Variants in PHF21A observed in about 807,000 individuals in gnomAD.
PHF21A encodes the protein PHD finger protein 21A, also known as BHC80a.
In PHF21A, 11 loss-of-function variants were observed where a neutral mutation model predicts 82.5. The ratio of observed to expected loss-of-function variants is 0.13; its 90% CI spans 0.08 to 0.22. The LOEUF is 0.22. Among genes scored for constraint, PHF21A ranks in the 10% least tolerant of loss-of-function variants. The probability of loss-of-function intolerance (pLI) is 1.00; values close to 1 mark genes in which losing one functional copy is unlikely to be tolerated. For synonymous variants in PHF21A, 297 were observed against 302.8 expected (o/e 0.98, Z 0.20); for missense variants, 579 against 837.8 (o/e 0.69, Z 3.81).
chr11:45,984,551 C>T (rs2094430367), intron 6 of PHF21A, among the ~76,000 whole-genome samples: 1 of 152,186 alleles, frequency 6.6e-6, no homozygotes, highest in Non-Finnish European at 1.5e-5. Context: ...AAGAAAAATA[C>T]GGAATTTTAT....
intron 6 of PHF21A, among the ~76,000 whole-genome samples, chr11:45,991,545 G>A (rs899355777): frequency 3.9e-5 from 6 of 152,012 alleles, no homozygotes; most frequent in Non-Finnish European, 5.9e-5. Flanking sequence ...TAATACAGCT[G>A]CAGTAAGCTT....
At chr11:45,977,179 G>A (rs2094070600) in intron 7 of PHF21A, among the ~76,000 whole-genome samples, 2 of 142,742 alleles carry the variant, frequency 1.4e-5, no homozygotes, top group South Asian at 2.2e-4. Context: ...TTGCTCTGTC[G>A]CCCAGCATGG....
intron 1 of PHF21A, among the ~76,000 whole-genome samples, chr11:46,118,417 T>TAAAAAAAAAA (rs10718245): frequency 7.6e-6 from 1 of 131,514 alleles, no homozygotes; most frequent in Non-Finnish European, 1.6e-5. Context: ...AGTCTGATGT[T>TAAAAAAAAAA]AAAAAAAAAA....
At chr11:46,109,186 C>A (rs1442785950) in intron 1 of PHF21A, among the ~76,000 whole-genome samples, 5 of 152,202 alleles carry the variant, frequency 3.3e-5, no homozygotes, top group Non-Finnish European at 7.3e-5. Flanking sequence ...GGGCTTGAAT[C>A]CAGGTTGTAT....
chr11:45,961,327 C>T (rs2135805284), intron 10 of PHF21A, among the ~76,000 whole-genome samples: 1 of 152,166 alleles, frequency 6.6e-6, no homozygotes, highest in South Asian at 2.1e-4. Flanking sequence ...AATAAATGTC[C>T]AAATAATTTC....
chr11:46,114,845 C>G (rs1249847121), intron 1 of PHF21A, among the ~76,000 whole-genome samples: 1 of 152,156 alleles, frequency 6.6e-6, no homozygotes. Context: ...CAAGTACTGA[C>G]AGTTTGTATT....
At chr11:46,106,184 G>T (rs1219716620) in intron 1 of PHF21A, among the ~76,000 whole-genome samples, 1 of 152,106 alleles carries the variant, frequency 6.6e-6, no homozygotes, top group East Asian at 1.9e-4. Flanking sequence ...TTTACTAAAA[G>T]ATATTTTCAT....
At chr11:46,071,929 T>C (rs2096661231) in intron 6 of PHF21A, among the ~76,000 whole-genome samples, 1 of 152,098 alleles carries the variant, frequency 6.6e-6, no homozygotes, top group Non-Finnish European at 1.5e-5. Flanking sequence ...AAAATTACAA[T>C]ATAAGCAGAG....
intron 6 of PHF21A, among the ~76,000 whole-genome samples, chr11:46,014,630 T>A (rs560614372): frequency 2.6e-5 from 4 of 152,370 alleles, no homozygotes; most frequent in Non-Finnish European, 4.4e-5. Flanking sequence ...CAACAGTATA[T>A]GTGTTCCCTT....
At chr11:45,957,751 CAA>C in intron 10 of PHF21A, among the ~76,000 whole-genome samples, 162 of 60,896 alleles carry the variant, frequency 2.7e-3, no homozygotes, top group East Asian at 8.2e-3. Context: ...AAATTCAAAG[CAA>C]AAAAAAAAAA....
At chr11:46,109,560 A>AT (rs11374563) in intron 1 of PHF21A, among the ~76,000 whole-genome samples, 81,277 of 151,902 alleles carry the variant, frequency 0.54, 23,132 homozygotes, top group South Asian at 0.66. Flanking sequence ...ACAAAAGCTC[A>AT]TAATTAAAAT....
chr11:45,978,904 T>G (rs920279503), intron 7 of PHF21A, among the ~76,000 whole-genome samples: 1 of 152,170 alleles, frequency 6.6e-6, no homozygotes, highest in Non-Finnish European at 1.5e-5. Flanking sequence ...ATTTCTTTAG[T>G]TTTGACCTGT....
chr11:46,084,621 G>A (rs1218973810), intron 3 of PHF21A, among the ~76,000 whole-genome samples: 2 of 151,818 alleles, frequency 1.3e-5, no homozygotes, highest in African/African-American at 4.8e-5. Flanking sequence ...TCTTCAATGA[G>A]ACTATAACCA....
intron 6 of PHF21A, among the ~76,000 whole-genome samples, chr11:46,065,572 T>C (rs1324420189): frequency 6.6e-6 from 1 of 152,242 alleles, no homozygotes; most frequent in Non-Finnish European, 1.5e-5. Context: ...CACTTTTAGT[T>C]GGACTTTCTA....
At chr11:45,960,400 T>C (rs2092999973) in intron 10 of PHF21A, among the ~76,000 whole-genome samples, 3 of 152,224 alleles carry the variant, frequency 2.0e-5, no homozygotes, top group Non-Finnish European at 2.9e-5. Context: ...TATTACCATA[T>C]TGATGACTCT....
chr11:46,112,397 C>T (rs147414161), intron 1 of PHF21A, among the ~76,000 whole-genome samples: 251 of 152,272 alleles, frequency 1.6e-3, no homozygotes, highest in African/African-American at 5.7e-3. Context: ...GTTTACTGAG[C>T]CCTTATTATG....
At chr11:46,039,235 G>A (rs767803038) in intron 6 of PHF21A, among the ~76,000 whole-genome samples, 1 of 152,092 alleles carries the variant, frequency 6.6e-6, no homozygotes, top group Non-Finnish European at 1.5e-5. Flanking sequence ...TCCTGTTTTC[G>A]TGCATTCGCT....
At chr11:46,073,155 G>A (rs1029780176) in intron 6 of PHF21A, among the ~76,000 whole-genome samples, 4 of 151,690 alleles carry the variant, frequency 2.6e-5, no homozygotes, top group South Asian at 4.2e-4. Flanking sequence ...GATGAAACCC[G>A]GTCTCTACTA....
At chr11:45,980,589 T>C (rs1359958527) in intron 6 of PHF21A, among the ~76,000 whole-genome samples, 1 of 152,188 alleles carries the variant, frequency 6.6e-6, no homozygotes, top group Non-Finnish European at 1.5e-5. Context: ...GTGCATGCAC[T>C]ACAGCCTTGA....
Sources: allele counts gnomAD v4.1 joint callset (sites outside exome capture counted in the v4.1 genomes callset), GRCh38; gene constraint gnomAD v4.1.1; transcripts MANE v1.5; gene names NCBI Gene and HGNC (gene_info 2026-07-23, HGNC 2026-07-21).